The following POGLUT3 variants were observed in gnomAD, a reference collection of about 807,000 sequenced individuals.
The protein encoded by POGLUT3 is KDEL (Lys-Asp-Glu-Leu) containing 2.
In POGLUT3, 48 loss-of-function variants were observed where a neutral mutation model predicts 54.3. The ratio of observed to expected loss-of-function variants is 0.88; its 90% CI spans 0.70 to 1.12. The LOEUF (loss-of-function observed/expected upper bound fraction) is 1.12, where lower values mean the gene tolerates loss of function less well. Ranked by LOEUF, POGLUT3 falls within the 50% of genes most tolerant of loss-of-function variation. POGLUT3 has a pLI of 0.00. For missense variants in POGLUT3, 629 were observed against 618.7 expected (o/e 1.02, Z -0.18); for synonymous variants, 218 against 237.4 (o/e 0.92, Z 0.75).
intron 7 of POGLUT3, among the ~76,000 whole-genome samples, chr11:108,476,652 A>G (rs73547096): frequency 0.018 from 2,684 of 152,312 alleles, 78 homozygotes; most frequent in African/African-American, 0.06. Flanking sequence ...AAACAAGAAC[A>G]TAATTTCCTT....
At chr11:108,496,640 A>T (rs1385972742) in intron 1 of POGLUT3, among the ~76,000 whole-genome samples, 1 of 152,210 alleles carries the variant, frequency 6.6e-6, no homozygotes, top group Non-Finnish European at 1.5e-5. Context: ...CAGTTGTCTG[A>T]GTATTTAGGG....
chr11:108,478,245 T>G (rs2093585929), intron 6 of POGLUT3: 2 of 152,994 alleles, frequency 1.3e-5, no homozygotes, highest in South Asian at 4.1e-4. Flanking sequence ...ACATCTCCGT[T>G]AAAGAGAAAC....
intron 3 of POGLUT3, among the ~76,000 whole-genome samples, chr11:108,484,111 T>C (rs1286615433): frequency 6.6e-6 from 1 of 152,292 alleles, no homozygotes; most frequent in East Asian, 1.9e-4. Context: ...TCCTTTGCAC[T>C]GTAGGATGCT....
intron 4 of POGLUT3, 25 bp downstream of exon 4, chr11:108,481,981 A>C: frequency 6.4e-7 from 1 of 1,556,298 alleles, no homozygotes; most frequent in East Asian, 2.3e-5. Context: ...TTCTTCATTA[A>C]TTAGCCTTGC....
At position 108,481,200 on chromosome 11, in the gene POGLUT3, C is replaced by A. The variant is rs574442878; in HGVS notation, c.1078G>T (p.Gly360Cys). Residue 360 changes from glycine (G) to cysteine (C), a missense_variant, in exon 5 of 8, where the codon GGT (glycine) becomes TGT (cysteine). Coordinates refer to ENST00000323468, the MANE Select transcript of POGLUT3 (RefSeq NM_153705.5). ...EKELGKAKLMGFFDFFKYKYQ... is the reference protein window; with the variant it reads ...EKELGKAKLMCFFDFFKYKYQ... ...CATACCTTAAAGAAATCAAAGAAAC[C>A]CATCAACTTGGCTTTTCCAAGCTCC... 1.2e-4 allele frequency: 195 copies of A among 1,608,734 alleles called. 3 individuals are homozygous for A. In the South Asian group the frequency reaches 2.0e-3, roughly 16 times the overall value.
intron 5 of POGLUT3, 32 bp downstream of exon 5, chr11:108,481,148 T>C: frequency 6.5e-7 from 1 of 1,537,790 alleles, no homozygotes; most frequent in Non-Finnish European, 8.8e-7. Context: ...TTTTATCGCT[T>C]CATATCCATA....
rs758887114 is a variant in POGLUT3, at chr11:108,474,869, G to A, written c.1482C>T (p.Ile494=). The change falls in exon 8 of 8, where the codon ATC becomes ATT. Residue 494 remains isoleucine, a synonymous_variant. Coordinates refer to ENST00000323468, the MANE Select transcript of POGLUT3 (RefSeq NM_153705.5). ...AAGGCTTTTTCCTGTGGCACTGGCA[G>A]ATGGCTGTGCTATCTTCTGGCTGAG... The part of the protein sequence containing the change: ...LVPQPEDSTA[I]CQCHRKKPSR... The A allele has an allele frequency of 6.2e-7, 1 of 1,614,130 alleles. No individual in the cohort carries two copies. The highest frequency in any genetic ancestry group is 8.5e-7 in the Non-Finnish European group (1 of 1,180,000).
At chr11:108,483,489 G>T (rs1034384404) in intron 3 of POGLUT3, among the ~76,000 whole-genome samples, 5 of 151,998 alleles carry the variant, frequency 3.3e-5, no homozygotes, top group Non-Finnish European at 7.4e-5. Flanking sequence ...TTATTTGTTT[G>T]TATTCACATC....
chr11:108,485,519 A>G (rs2093601342), intron 3 of POGLUT3, among the ~76,000 whole-genome samples: 1 of 152,184 alleles, frequency 6.6e-6, no homozygotes, highest in Admixed American at 6.5e-5. Context: ...AATATAGACT[A>G]TTTGAAAAAA....
At chr11:108,498,129 G>A in intron 1 of POGLUT3, 36 bp downstream of exon 1, 2 of 1,476,280 alleles carry the variant, frequency 1.4e-6, no homozygotes, top group East Asian at 3.0e-5. Context: ...CGGGGACCCG[G>A]CCGCGGGACG....
Position 108,486,114 on chromosome 11 carries a change from C to T in POGLUT3, c.684+43G>A, listed in dbSNP as rs1483138897. 2.8e-6 allele frequency: 4 copies of T among 1,414,774 alleles called. No individual in the cohort carries two copies. The African/African-American group carries it at 4.3e-5, about 15-fold the overall frequency. The allele number at this position is 1,414,774 out of a possible 1,614,324, so 87.6% of individuals were successfully genotyped here. A position where few individuals can be genotyped will look rare whatever the true frequency, so the allele number is the denominator to read the frequency against. The stretch of plus-strand genomic sequence containing the variant: ...TAATTCTAAACATTTAAATGTTATA[C>T]CTAAATAATTAAACTGTATTATCAA... On this transcript the variant is annotated intron_variant, in intron 3 of 7. Coordinates refer to ENST00000323468, the MANE Select transcript of POGLUT3 (RefSeq NM_153705.5).
At chr11:108,487,925 T>C (rs1292461338) in intron 2 of POGLUT3, among the ~76,000 whole-genome samples, 1 of 151,482 alleles carries the variant, frequency 6.6e-6, no homozygotes, top group Admixed American at 6.6e-5. Flanking sequence ...AGTTTGACTC[T>C]TTTCATTGAC....
At chr11:108,475,988 T>A (rs1293290748) in intron 7 of POGLUT3, among the ~76,000 whole-genome samples, 36 of 151,914 alleles carry the variant, frequency 2.4e-4, no homozygotes, top group Admixed American at 2.4e-3. Flanking sequence ...CTAAAAAAAA[T>A]AAATAAATTA....
At chr11:108,479,820 A>G (rs1591640106) in intron 5 of POGLUT3, among the ~76,000 whole-genome samples, 1 of 152,164 alleles carries the variant, frequency 6.6e-6, no homozygotes, top group South Asian at 2.1e-4. Flanking sequence ...TTTTCTTTTT[A>G]AGTTTTAATT....
intron 1 of POGLUT3, among the ~76,000 whole-genome samples, chr11:108,495,466 A>G (rs761893475): frequency 6.6e-6 from 1 of 152,202 alleles, no homozygotes; most frequent in Non-Finnish European, 1.5e-5. Flanking sequence ...ATAACCAGCT[A>G]TTCAGTTGGT....
At chr11:108,485,301 C>G (rs1018916879) in intron 3 of POGLUT3, among the ~76,000 whole-genome samples, 2 of 152,140 alleles carry the variant, frequency 1.3e-5, no homozygotes, top group East Asian at 3.9e-4. Context: ...AAGGTGAAAT[C>G]TAAGCAGGAG....
rs1039263235 is a variant in POGLUT3, at chr11:108,498,278, G to A, written c.89C>T (p.Pro30Leu). 2.0e-6 allele frequency: 3 copies of A among 1,491,940 alleles called. No individual in the cohort carries two copies. The East Asian group carries it at 8.9e-5, about 44-fold the overall frequency. The allele number at this position is 1,491,940 out of a possible 1,614,324, so 92.4% of individuals were successfully genotyped here. Reference protein sequence around the residue: ...AGAPEVLVSAPRSLVWGPGLQ... With the variant: ...AGAPEVLVSALRSLVWGPGLQ... ...CCCGGGCCCCCACACCAGGCTCCGC[G>A]GCGCGCTGACCAGCACCTCCGGGGC... Residue 30 changes from proline (P) to leucine (L), a missense_variant, in exon 1 of 8, where the codon CCG becomes CTG. By Grantham distance (98) the Pro-to-Leu change is moderately conservative. Transcript: ENST00000323468.
rs1005673391 is a variant in POGLUT3 at position 108,473,244 on chromosome 11, A to G, written c.*1583T>C. 2.0e-5 allele frequency: 3 copies of G among 151,938 alleles called. No individual in the cohort carries two copies. The highest frequency in any genetic ancestry group is 7.3e-5 in the African/African-American group (3 of 41,324). The allele number at this position is 151,938 out of a possible 1,614,324, so 9.4% of individuals were successfully genotyped here. The stretch of plus-strand genomic sequence containing the variant: ...GCTAATTTTTGTATTTTTAGTAGAG[A>G]CGGGGTTTCACCATGTTGGCCAGGC... On this transcript the variant is annotated 3_prime_UTR_variant, in exon 8 of 8. Coordinates refer to ENST00000323468, the MANE Select transcript of POGLUT3 (RefSeq NM_153705.5).
intron 3 of POGLUT3, among the ~76,000 whole-genome samples, chr11:108,485,371 A>G (rs909999298): frequency 6.6e-5 from 10 of 152,198 alleles, no homozygotes; most frequent in African/African-American, 2.2e-4. Flanking sequence ...GCATGCCTAT[A>G]GTCCCAGCTA....
Sources: gnomAD v4.1 joint callset for allele counts (sites outside exome capture counted in the v4.1 genomes callset) on GRCh38, gnomAD v4.1.1 for gene constraint, MANE v1.5 for transcripts, NCBI Gene and HGNC (gene_info 2026-07-23, HGNC 2026-07-21) for gene names.